The following SVOPL variants were observed in gnomAD, a reference collection of about 807,000 sequenced individuals.
SVOPL encodes the protein putative transporter SVOPL.
A neutral mutation model predicts 61.0 loss-of-function variants in SVOPL; 60 were observed. That is an observed-to-expected ratio of 0.98 (90% CI 0.80 to 1.22). The LOEUF is 1.22. Ranked by LOEUF, SVOPL falls within the 50% of genes most tolerant of loss-of-function variation. The pLI, the probability that SVOPL is intolerant of heterozygous loss-of-function variation, is 0.00. For missense variants in SVOPL, 662 were observed against 643.9 expected (o/e 1.03, Z -0.30); for synonymous variants, 279 against 250.0 (o/e 1.12, Z -1.09).
At chr7:138,609,793 C>G (rs902459529) in intron 14 of SVOPL, among the ~76,000 whole-genome samples, 6 of 151,692 alleles carry the variant, frequency 4.0e-5, no homozygotes, top group African/African-American at 1.5e-4. Context: ...AATGCAGTGG[C>G]GTGATCTCAG....
intron 9 of SVOPL, among the ~76,000 whole-genome samples, chr7:138,633,987 G>T (rs1368090678): frequency 6.6e-6 from 1 of 152,182 alleles, no homozygotes; most frequent in Non-Finnish European, 1.5e-5. Flanking sequence ...TTCAGGGCAT[G>T]GGTAGCACTG....
At chr7:138,627,517 T>G (rs931084266) in intron 11 of SVOPL, 56 bp from the exon 12 acceptor site, 7 of 1,285,588 alleles carry the variant, frequency 5.4e-6, no homozygotes, top group African/African-American at 1.5e-5. Flanking sequence ...AGTGGCATAT[T>G]GCAACACTGG....
intron 9 of SVOPL, among the ~76,000 whole-genome samples, chr7:138,642,554 C>T (rs1007467170): frequency 7.2e-5 from 11 of 151,826 alleles, no homozygotes; most frequent in African/African-American, 2.2e-4. Flanking sequence ...AGGCTGGGCA[C>T]GGTGGCTCAC....
chr7:138,597,534 C>A (rs2116732163), intron 14 of SVOPL, among the ~76,000 whole-genome samples: 1 of 151,888 alleles, frequency 6.6e-6, no homozygotes, highest in East Asian at 1.9e-4. Context: ...CAACATTGAT[C>A]TCACTAATTA....
At chr7:138,685,287 G>C (rs748314156) in intron 1 of SVOPL, among the ~76,000 whole-genome samples, 2 of 152,136 alleles carry the variant, frequency 1.3e-5, no homozygotes, top group African/African-American at 4.8e-5. Flanking sequence ...TCTGCAACAA[G>C]GTGGATGAAA....
intron 9 of SVOPL, among the ~76,000 whole-genome samples, chr7:138,640,221 CT>C (rs34885728): frequency 6.7e-6 from 1 of 149,926 alleles, no homozygotes; most frequent in African/African-American, 2.4e-5. Context: ...TTTTTTTTAA[CT>C]TTTTTTTTTA....
intron 14 of SVOPL, among the ~76,000 whole-genome samples, chr7:138,606,956 G>GAAAAC (rs1410022181): frequency 7.3e-6 from 1 of 137,398 alleles, no homozygotes; most frequent in Non-Finnish European, 1.6e-5. Context: ...TCTGTCTCAA[G>GAAAAC]AAAACAAAAC....
At position 138,611,423 on chromosome 7, in the gene SVOPL, CAAAAA is replaced by C. The variant is rs1798996262; in HGVS notation, c.1353+9618_1353+9622del. Among the ~76,000 whole-genome samples the C allele has an allele frequency of 2.0e-5, 3 of 147,534 alleles. No individual in the cohort carries two copies. In the South Asian group the frequency reaches 6.4e-4, roughly 31 times the overall value. ...CAAAACAAAACAAAACAAAACAAAA[CAAAAA>C]CCAAACCAATCCTTACCCCTTTAAC... is the stretch of plus-strand genomic sequence containing the variant. On this transcript the variant is annotated intron_variant, in intron 14 of 15. Coordinates refer to ENST00000674285, the MANE Select transcript of SVOPL (RefSeq NM_001139456.2).
At chr7:138,651,058 G>A (rs1801409082) in intron 7 of SVOPL, among the ~76,000 whole-genome samples, 1 of 151,720 alleles carries the variant, frequency 6.6e-6, no homozygotes, top group South Asian at 2.1e-4. Flanking sequence ...GGGATTGAGA[G>A]CACCTAAAGG....
At chr7:138,628,088 T>C in intron 11 of SVOPL, 70 bp downstream of exon 11, 1 of 1,562,584 alleles carries the variant, frequency 6.4e-7, no homozygotes, top group East Asian at 2.2e-5. Flanking sequence ...GTCACACTTC[T>C]CTCAGCTAAG....
At chr7:138,625,068 T>G (rs925591190) in intron 13 of SVOPL, 1 of 152,308 alleles carries the variant, frequency 6.6e-6, no homozygotes, top group Non-Finnish European at 1.5e-5. Context: ...ATAATACCCC[T>G]TCTTATTTGT....
chr7:138,641,239 A>G (rs1800767165), intron 9 of SVOPL, among the ~76,000 whole-genome samples: 1 of 151,222 alleles, frequency 6.6e-6, no homozygotes, highest in African/African-American at 2.5e-5. Flanking sequence ...TAAAAAAAAA[A>G]AAAAAACTTA....
intron 15 of SVOPL, 84 bp from the exon 16 acceptor site, chr7:138,594,705 A>G: frequency 1.0e-6 from 1 of 985,776 alleles, no homozygotes; most frequent in Non-Finnish European, 1.4e-6. Flanking sequence ...TATTTTAGTA[A>G]TAGAAGATTC....
chr7:138,635,723 C>CAT (rs1213286226), intron 9 of SVOPL, among the ~76,000 whole-genome samples: 1 of 152,102 alleles, frequency 6.6e-6, no homozygotes, highest in Non-Finnish European at 1.5e-5. Flanking sequence ...GCCTGATACT[C>CAT]ATGTTAAAGA....
In SVOPL at chr7:138,649,152, G is replaced by C; in HGVS notation, c.535-15C>G. The C allele has an allele frequency of 6.3e-7, 1 of 1,583,228 alleles. No individual in the cohort carries two copies. The highest frequency in any genetic ancestry group is 8.6e-7 in the Non-Finnish European group (1 of 1,166,242). On this transcript the variant is annotated splice_polypyrimidine_tract_variant and intron_variant, in intron 7 of 15. Coordinates refer to ENST00000674285, the MANE Select transcript of SVOPL (RefSeq NM_001139456.2). ...AGCCAGAACACCTAGGAAGAGAGAA[G>C]TCCAGGATTAAAGTTCTTTGGGGAA...
chr7:138,648,689 C>G (rs1167463665), intron 8 of SVOPL, among the ~76,000 whole-genome samples: 2 of 151,328 alleles, frequency 1.3e-5, no homozygotes, highest in African/African-American at 4.8e-5. Context: ...GCCTGGGGGA[C>G]GCTGCACTCC....
intron 1 of SVOPL, among the ~76,000 whole-genome samples, chr7:138,684,882 G>A (rs1802770172): frequency 6.6e-6 from 1 of 151,432 alleles, no homozygotes; most frequent in Non-Finnish European, 1.5e-5. Flanking sequence ...TAACGGATGT[G>A]TGGAAAAGGA....
chr7:138,652,672 A>T (rs1025902311), intron 7 of SVOPL, among the ~76,000 whole-genome samples: 1 of 151,850 alleles, frequency 6.6e-6, no homozygotes, highest in Non-Finnish European at 1.5e-5. Flanking sequence ...CTGGAATGCA[A>T]TGGTGCCATC....
chr7:138,628,706 G>T (rs2116916362), intron 10 of SVOPL, among the ~76,000 whole-genome samples: 1 of 152,270 alleles, frequency 6.6e-6, no homozygotes, highest in South Asian at 2.1e-4. Flanking sequence ...TCAACCCTTG[G>T]TATTGTCAGT....
Sources: allele counts gnomAD v4.1 joint callset (sites outside exome capture counted in the v4.1 genomes callset), GRCh38; gene constraint gnomAD v4.1.1; transcripts MANE v1.5; gene names NCBI Gene and HGNC (gene_info 2026-07-23, HGNC 2026-07-21).